DLGAP2: variants seen among roughly 807,000 people sequenced by gnomAD.
The protein encoded by DLGAP2 is DLG associated protein 2, also known as disks large-associated protein 2.
A neutral mutation model predicts 100.3 loss-of-function variants in DLGAP2; 26 were observed. The observed-to-expected ratio is 0.26, with a 90% CI of 0.19 to 0.36. DLGAP2 has a LOEUF of 0.36. DLGAP2 is among the 10% of genes least tolerant of loss of function. DLGAP2 has a pLI of 1.00. For missense variants in DLGAP2, 1,858 were observed against 1,453.2 expected, an observed-to-expected ratio of 1.28 and a Z score of -4.53; for synonymous variants, 886 against 630.1, an observed-to-expected ratio of 1.41 and a Z score of -6.08.
intron 4 of DLGAP2, among the ~76,000 whole-genome samples, chr8:1,507,980 G>T (rs960651250): frequency 1.3e-5 from 2 of 151,950 alleles, no homozygotes; most frequent in Admixed American, 6.5e-5. Flanking sequence ...CACATGAAAG[G>T]CCTAGTCTGT....
At chr8:984,815 G>A (rs1008243038) in intron 2 of DLGAP2, among the ~76,000 whole-genome samples, 4 of 152,168 alleles carry the variant, frequency 2.6e-5, no homozygotes, top group Non-Finnish European at 5.9e-5. Flanking sequence ...AATGCAAGTG[G>A]CATAAACAAA....
rs1223019929 is a variant in DLGAP2, at chr8:1,417,092, G to A, written c.107-84274G>A. On this transcript the variant is annotated intron_variant, in intron 3 of 14. Coordinates refer to ENST00000637795, the MANE Select transcript of DLGAP2 (RefSeq NM_001346810.2). Reference sequence around the variant, plus strand: ...GCAGGAGAAAGGGCGGGGGTGGGGGGATGGGGGGGTGGGGGGGAGACCCCC... The same window carrying A: ...GCAGGAGAAAGGGCGGGGGTGGGGGAATGGGGGGGTGGGGGGGAGACCCCC... Among the ~76,000 whole-genome samples the A allele has an allele frequency of 7.7e-5, 11 of 142,998 alleles. No individual in the cohort carries two copies. The East Asian group carries it at 1.9e-3, about 24-fold the overall frequency. The allele number at this position is 142,998 out of a possible 152,430, so 93.8% of individuals were successfully genotyped here.
In DLGAP2 at chr8:1,632,908, G is replaced by A. The variant is rs796284907; in HGVS notation, c.1672G>A (p.Ala558Thr). The A allele has an allele frequency of 4.3e-6, 7 of 1,613,848 alleles. No homozygotes were observed. Among genetic ancestry groups the A allele is most frequent in the Middle Eastern group, 1.6e-4 (1 of 6,084 alleles). The stretch of plus-strand genomic sequence containing the variant: ...TGAAGTTGAATCTCAGGCCATGGAT[G>A]CCCTCGACCTCCCGGGATGTTTCCG... ...FSEVESQAMD[A>T]LDLPGCFRTR... Residue 558 changes from alanine to threonine, a missense_variant, in exon 8 of 15, where the codon GCC (alanine) becomes ACC (threonine). Physicochemically the swap from Ala to Thr is moderately conservative, Grantham distance 58. Transcript: ENST00000637795.
At chr8:851,924 C>G (rs1797189755) in intron 1 of DLGAP2, among the ~76,000 whole-genome samples, 5 of 152,284 alleles carry the variant, frequency 3.3e-5, no homozygotes, top group South Asian at 2.1e-4. Context: ...TATTACTCCT[C>G]TCTTATTAGC....
At chr8:738,966 G>A (rs1820404994) in intron 1 of DLGAP2, 1 of 154,414 alleles carries the variant, frequency 6.5e-6, no homozygotes, top group African/African-American at 2.4e-5. Flanking sequence ...TGCGCGCTTG[G>A]AGCCCGGGTC....
intron 2 of DLGAP2, among the ~76,000 whole-genome samples, chr8:1,193,875 C>T (rs544843116): frequency 3.3e-5 from 5 of 152,204 alleles, no homozygotes; most frequent in East Asian, 3.9e-4. Flanking sequence ...GCCTCCGCAC[C>T]GCGCCGCCCC....
At chr8:1,170,312 A>G (rs541648980) in intron 2 of DLGAP2, among the ~76,000 whole-genome samples, 35 of 151,978 alleles carry the variant, frequency 2.3e-4, no homozygotes, top group Non-Finnish European at 3.7e-4. Context: ...TTTTTGCATC[A>G]ATGTTCATCA....
intron 2 of DLGAP2, among the ~76,000 whole-genome samples, chr8:982,948 T>G (rs1328541868): frequency 6.6e-6 from 1 of 150,602 alleles, no homozygotes; most frequent in African/African-American, 2.4e-5. Context: ...AAAAAGCTCC[T>G]TAAGAAAGAT....
intron 2 of DLGAP2, among the ~76,000 whole-genome samples, chr8:1,219,521 T>G (rs1584696): frequency 0.35 from 52,750 of 152,050 alleles, 13,392 homozygotes; most frequent in African/African-American, 0.72. Flanking sequence ...GATTTGTTAG[T>G]ATTTTGCTGA....
At chr8:1,221,768 A>G (rs1436541236) in intron 2 of DLGAP2, among the ~76,000 whole-genome samples, 1 of 152,060 alleles carries the variant, frequency 6.6e-6, no homozygotes, top group East Asian at 1.9e-4. Flanking sequence ...ACATTCTCAC[A>G]TATTTCTCAG....
chr8:1,528,931 GT>G (rs1406123058), intron 4 of DLGAP2, among the ~76,000 whole-genome samples: 10 of 152,216 alleles, frequency 6.6e-5, no homozygotes, highest in Non-Finnish European at 1.3e-4. Context: ...TTAAAAATCA[GT>G]TCTTTCCTCA....
Position 1,356,690 on chromosome 8 carries a change from G to A in DLGAP2, c.106+97807G>A, listed in dbSNP as rs967803916. Among the ~76,000 whole-genome samples, 7 of 152,204 alleles carry A rather than the reference G, an allele frequency of 4.6e-5. No homozygotes were observed. In the South Asian group the frequency reaches 1.2e-3, roughly 27 times the overall value. On this transcript the variant is annotated intron_variant, in intron 3 of 14. Coordinates refer to ENST00000637795, the MANE Select transcript of DLGAP2 (RefSeq NM_001346810.2). ...GTGAATGAGGTGAGTATGAGCAAAC[G>A]ATCATTCGCCACAATGTAACCCTAC...
intron 1 of DLGAP2, among the ~76,000 whole-genome samples, chr8:821,033 A>T (rs1273626456): frequency 1.3e-5 from 2 of 152,210 alleles, no homozygotes; most frequent in Non-Finnish European, 2.9e-5. Flanking sequence ...AATGTACGTT[A>T]ACTGCTTACA....
chr8:1,164,660 G>A (rs573468064), intron 2 of DLGAP2, among the ~76,000 whole-genome samples: 2 of 152,330 alleles, frequency 1.3e-5, no homozygotes, highest in East Asian at 1.9e-4. Flanking sequence ...TAAGGCCCTT[G>A]CCTGAAATTG....
At chr8:1,161,618 T>C (rs916959809) in intron 2 of DLGAP2, among the ~76,000 whole-genome samples, 23 of 152,328 alleles carry the variant, frequency 1.5e-4, no homozygotes, top group Admixed American at 8.5e-4. Context: ...GACTCGGCCC[T>C]GGAGTCATGC....
At chr8:897,628 C>T (rs1000488604) in intron 1 of DLGAP2, among the ~76,000 whole-genome samples, 1 of 152,194 alleles carries the variant, frequency 6.6e-6, no homozygotes, top group Non-Finnish European at 1.5e-5. Context: ...ACCCGGCACC[C>T]CCTGCATCTT....
chr8:1,309,365 A>T (rs762483585), intron 3 of DLGAP2, among the ~76,000 whole-genome samples: 2 of 152,220 alleles, frequency 1.3e-5, no homozygotes, highest in East Asian at 3.9e-4. Context: ...GAAGTGACTC[A>T]TCACACACAA....
At chr8:1,619,560 T>C (rs772116670) in intron 6 of DLGAP2, 4 of 152,234 alleles carry the variant, frequency 2.6e-5, no homozygotes, top group Non-Finnish European at 5.9e-5. Context: ...TTCAGACCAG[T>C]TGTTTCTGAG....
At chr8:1,151,181 A>T (rs1379835453) in intron 2 of DLGAP2, among the ~76,000 whole-genome samples, 1 of 152,222 alleles carries the variant, frequency 6.6e-6, no homozygotes, top group African/African-American at 2.4e-5. Flanking sequence ...GCAGAGGAAG[A>T]AAAACTTTTC....
Sources: allele counts gnomAD v4.1 joint callset (sites outside exome capture counted in the v4.1 genomes callset), GRCh38; gene constraint gnomAD v4.1.1; transcripts MANE v1.5; gene names NCBI Gene and HGNC (gene_info 2026-07-23, HGNC 2026-07-21).